Variants in PPP2R2A observed in about 807,000 individuals in gnomAD.
PPP2R2A encodes serine/threonine-protein phosphatase 2A 55 kDa regulatory subunit B alpha isoform.
PPP2R2A carries 9 observed loss-of-function variants against 53.2 expected under a neutral mutation model. That is an observed-to-expected ratio of 0.17 (90% CI 0.10 to 0.30). The LOEUF (loss-of-function observed/expected upper bound fraction) is 0.30. PPP2R2A is among the 10% of genes least tolerant of loss of function. PPP2R2A has a pLI of 1.00. For missense variants in PPP2R2A, 235 were observed against 534.6 expected (o/e 0.44, Z 5.53); for synonymous variants, 169 against 174.2 (o/e 0.97, Z 0.23).
At chr8:26,344,032 C>T (rs1205561865) in intron 3 of PPP2R2A, among the ~76,000 whole-genome samples, 1 of 152,102 alleles carries the variant, frequency 6.6e-6, no homozygotes, top group African/African-American at 2.4e-5. Context: ...GCTGGGGGCC[C>T]AGGTACCAGA....
At chr8:26,361,520 C>A (rs184550643) in intron 6 of PPP2R2A, among the ~76,000 whole-genome samples, 1 of 152,100 alleles carries the variant, frequency 6.6e-6, no homozygotes, top group Non-Finnish European at 1.5e-5. Flanking sequence ...GTGGGAAGAT[C>A]ACTTGAGGCC....
chr8:26,324,273 T>C (rs1346239793), intron 2 of PPP2R2A, among the ~76,000 whole-genome samples: 1 of 152,226 alleles, frequency 6.6e-6, no homozygotes, highest in East Asian at 1.9e-4. Flanking sequence ...TTTTATTGTT[T>C]TAGGGCTTTA....
intron 2 of PPP2R2A, among the ~76,000 whole-genome samples, chr8:26,313,591 G>A (rs1253719686): frequency 6.6e-6 from 1 of 152,194 alleles, no homozygotes; most frequent in East Asian, 1.9e-4. Flanking sequence ...AGGACTTGCA[G>A]ATGTGAGTAA....
intron 4 of PPP2R2A, among the ~76,000 whole-genome samples, chr8:26,357,159 C>T (rs1406775314): frequency 6.6e-6 from 1 of 151,854 alleles, no homozygotes; most frequent in Non-Finnish European, 1.5e-5. Context: ...TGAACTATAT[C>T]TGAAAAACTA....
At chr8:26,314,888 T>TTCCCC (rs1563291388) in intron 2 of PPP2R2A, among the ~76,000 whole-genome samples, 17 of 65,802 alleles carry the variant, frequency 2.6e-4, no homozygotes, top group East Asian at 4.2e-4. Flanking sequence ...TTTTTTCCCT[T>TTCCCC]CCCCCCCCCC....
chr8:26,302,013 C>T (rs1801811618), intron 2 of PPP2R2A, among the ~76,000 whole-genome samples: 1 of 152,182 alleles, frequency 6.6e-6, no homozygotes, highest in East Asian at 1.9e-4. Context: ...GTCTATTAAA[C>T]GTTCTGCATG....
Position 26,360,820 on chromosome 8 carries a change from A to AG in PPP2R2A, c.460-152dup, listed in dbSNP as rs1805042341. 1.6e-6 allele frequency: 1 copy of AG among 635,152 alleles called. No homozygotes were observed. Among genetic ancestry groups the AG allele is most frequent in the East Asian group, 3.2e-5 (1 of 31,148 alleles). 39.3% of individuals were successfully genotyped at this position (635,152 alleles called of 1,614,324 possible). Reference sequence around the variant, plus strand: ...GTTCATTTTTTCTTCAGCACTCGAAAGGATCAACATCAGTTGCTTTTTAAA... The same window carrying AG: ...GTTCATTTTTTCTTCAGCACTCGAAAGGGATCAACATCAGTTGCTTTTTAAA... On this transcript the variant is annotated intron_variant, in intron 5 of 9. Transcript: ENST00000380737. This position sits in a 1 kb window ranked among gnomAD's most constrained non-coding sequence, Gnocchi z 4.5.
In PPP2R2A at chr8:26,304,750, AT is replaced by A. The variant is rs534253066; in HGVS notation, c.82+11013del. Among the ~76,000 whole-genome samples, 521 of 152,308 alleles carry A rather than the reference AT, an allele frequency of 3.4e-3. 2 individuals carry two copies. Among genetic ancestry groups the A allele is most frequent in the Non-Finnish European group, 4.2e-3 (285 of 68,010 alleles). On this transcript the variant is annotated intron_variant, in intron 2 of 9. Coordinates refer to ENST00000380737, the MANE Select transcript of PPP2R2A (RefSeq NM_002717.4). ...GTAGGCAATAAATAGTTCTGACCAA[AT>A]TTCTTATCAAGGCATGCAACATGCA...
chr8:26,314,827 G>A (rs898185212), intron 2 of PPP2R2A, among the ~76,000 whole-genome samples: 3 of 115,968 alleles, frequency 2.6e-5, no homozygotes, highest in African/African-American at 1.0e-4. Flanking sequence ...TGTTTCATTT[G>A]TTCTTTCTGG....
chr8:26,333,099 T>A (rs1311291658), intron 2 of PPP2R2A, among the ~76,000 whole-genome samples: 1 of 152,256 alleles, frequency 6.6e-6, no homozygotes, highest in Admixed American at 6.5e-5. Context: ...AACATCTGTA[T>A]GTGCTTTGGC....
At position 26,362,454 on chromosome 8, in the gene PPP2R2A, G is replaced by A. The variant is rs1038671421; in HGVS notation, c.638-230G>A. ...TGGGAGTCGGAGGCTGCAGTGAGCC[G>A]AGATTGCGCCACTGCACTCCAGCCT... On this transcript the variant is annotated intron_variant, in intron 6 of 9. Transcript: ENST00000380737. This position sits in a 1 kb window ranked among gnomAD's most constrained non-coding sequence, Gnocchi z 4.4. 2.6e-5 allele frequency among the ~76,000 whole-genome samples: 4 copies of A among 151,892 alleles called. No individual in the cohort carries two copies. The highest frequency in any genetic ancestry group is 4.4e-5 in the Non-Finnish European group (3 of 67,986).
At chr8:26,341,228 A>G (rs1049304532) in intron 3 of PPP2R2A, among the ~76,000 whole-genome samples, 5 of 152,188 alleles carry the variant, frequency 3.3e-5, no homozygotes, top group African/African-American at 1.2e-4. Context: ...GATCTTGACT[A>G]TTAATTTGGT....
At chr8:26,363,355 G>A (rs1179910355) in intron 7 of PPP2R2A, 1 of 177,282 alleles carries the variant, frequency 5.6e-6, no homozygotes, top group African/African-American at 2.4e-5. Context: ...ATCCTGGTAT[G>A]AATTTGGGAT....
intron 8 of PPP2R2A, among the ~76,000 whole-genome samples, chr8:26,364,140 G>GTT (rs200025528): frequency 6.6e-6 from 1 of 150,546 alleles, no homozygotes; most frequent in African/African-American, 2.4e-5. Context: ...TATTGACATT[G>GTT]TTTTTTTTTC....
chr8:26,303,304 A>G (rs1801872004), intron 2 of PPP2R2A, among the ~76,000 whole-genome samples: 1 of 152,124 alleles, frequency 6.6e-6, no homozygotes, highest in African/African-American at 2.4e-5. Flanking sequence ...GAATAAAATA[A>G]TTTTTTACGG....
intron 2 of PPP2R2A, among the ~76,000 whole-genome samples, chr8:26,330,754 A>G (rs7842831): frequency 0.019 from 2,912 of 151,902 alleles, 88 homozygotes; most frequent in African/African-American, 0.067. Flanking sequence ...TATGGGTTGT[A>G]TTTTCCTGCC....
chr8:26,363,666 C>G, intron 7 of PPP2R2A, 55 bp from the exon 8 acceptor site: 10 of 1,367,568 alleles, frequency 7.3e-6, no homozygotes, highest in Non-Finnish European at 9.6e-6. Flanking sequence ...ATGCTTTGTC[C>G]AAGCCAGAAT....
At chr8:26,292,265 T>G (rs1156540096) in intron 1 of PPP2R2A, 1 of 1,001,246 alleles carries the variant, frequency 1.0e-6, no homozygotes, top group African/African-American at 1.7e-5. Flanking sequence ...TATACACATT[T>G]ATTTTGCCTC....
intron 2 of PPP2R2A, among the ~76,000 whole-genome samples, chr8:26,306,475 GAAAAAAA>G (rs35167661): frequency 1.9e-4 from 21 of 108,272 alleles, no homozygotes; most frequent in African/African-American, 6.6e-4. Flanking sequence ...GACTCTGTCT[GAAAAAAA>G]AAAAAAAAAA....
Sources: allele counts gnomAD v4.1 joint callset (sites outside exome capture counted in the v4.1 genomes callset), GRCh38; gene constraint gnomAD v4.1.1; non-coding constraint Gnocchi (gnomAD v3.1); transcripts MANE v1.5; gene names NCBI Gene and HGNC (gene_info 2026-07-23, HGNC 2026-07-21).